SIPA1L2: variants seen among roughly 807,000 people sequenced by gnomAD.
SIPA1L2 encodes signal-induced proliferation-associated 1-like protein 2.
Under a neutral mutation model 163.9 loss-of-function variants are expected in SIPA1L2, and 56 were observed. The ratio of observed to expected loss-of-function variants is 0.34; its 90% confidence interval spans 0.28 to 0.43. SIPA1L2 has a LOEUF of 0.43. Among genes scored for constraint, SIPA1L2 ranks in the 20% least tolerant of loss-of-function variants. The pLI, the probability that SIPA1L2 is intolerant of heterozygous loss-of-function variation, is 1.00. For synonymous variants in SIPA1L2, 877 were observed against 865.7 expected (o/e 1.01, Z -0.23); for missense variants, 1,974 against 2,193.5 (o/e 0.90, Z 2.00).
chr1:232,455,598 G>A (rs10910516), intron 10 of SIPA1L2, among the ~76,000 whole-genome samples: 45,241 of 150,898 alleles, frequency 0.3, 7,389 homozygotes, highest in East Asian at 0.58. Context: ...GGAGAATGGC[G>A]TGAACCCGTG....
rs1017421035 is a variant in SIPA1L2, at chr1:232,398,004, C to G, written c.*1123G>C. On this transcript the variant is annotated 3_prime_UTR_variant, in exon 23 of 23. Transcript: ENST00000674635. The stretch of plus-strand genomic sequence containing the variant: ...TTCTTTTAAACATTTATTAAAAAAG[C>G]AAAATGTATGTTCATCTCAAATCTA... 1 of 152,516 alleles carries G rather than the reference C, an allele frequency of 6.6e-6. No individual in the cohort carries two copies. Among genetic ancestry groups the G allele is most frequent in the Non-Finnish European group, 1.5e-5 (1 of 68,020 alleles). 9.4% of individuals were successfully genotyped at this position (152,516 alleles called of 1,614,324 possible). A position where few individuals can be genotyped will look rare whatever the true frequency, so the allele number is the denominator to read the frequency against.
chr1:232,547,023 T>C (rs1433827253), intron 2 of SIPA1L2, among the ~76,000 whole-genome samples: 1 of 152,150 alleles, frequency 6.6e-6, no homozygotes, highest in African/African-American at 2.4e-5. Flanking sequence ...CCTGCCTGAC[T>C]ATGCAAAAGA....
At chr1:232,429,807 G>A (rs937578736) in intron 16 of SIPA1L2, among the ~76,000 whole-genome samples, 1 of 152,104 alleles carries the variant, frequency 6.6e-6, no homozygotes, top group Admixed American at 6.5e-5. Context: ...CCCAACATTC[G>A]ATCCTGAGGT....
chr1:232,402,321 T>C (rs1660390557), intron 22 of SIPA1L2, 71 bp downstream of exon 22: 1 of 1,368,570 alleles, frequency 7.3e-7, no homozygotes, highest in African/African-American at 1.5e-5. Flanking sequence ...CTTTTCAATT[T>C]ATCTGTAGTA....
chr1:232,428,346 TAG>T (rs1662023296), intron 17 of SIPA1L2, 63 bp downstream of exon 17: 1 of 1,311,456 alleles, frequency 7.6e-7, no homozygotes, highest in Non-Finnish European at 1.0e-6. Context: ...TGAGTTTCTT[TAG>T]ACTTTTTTTT....
chr1:232,565,789 T>C (rs1056456324), intron 2 of SIPA1L2, among the ~76,000 whole-genome samples: 1 of 152,178 alleles, frequency 6.6e-6, no homozygotes, highest in African/African-American at 2.4e-5. Flanking sequence ...TGTGTGTGCC[T>C]TAAGGTATGA....
intron 1 of SIPA1L2, among the ~76,000 whole-genome samples, chr1:232,613,834 C>T (rs1662373291): frequency 6.6e-6 from 1 of 152,158 alleles, no homozygotes; most frequent in African/African-American, 2.4e-5. Context: ...CACCCAGTAT[C>T]TGAGCAACAG....
intron 2 of SIPA1L2, among the ~76,000 whole-genome samples, chr1:232,558,121 A>C (rs1201794064): frequency 6.6e-6 from 1 of 152,216 alleles, no homozygotes; most frequent in South Asian, 2.1e-4. Context: ...AAACCTCCCC[A>C]GACAGCTTGA....
intron 2 of SIPA1L2, among the ~76,000 whole-genome samples, chr1:232,544,708 A>G (rs901905861): frequency 6.6e-6 from 1 of 152,226 alleles, no homozygotes; most frequent in African/African-American, 2.4e-5. Flanking sequence ...TGCTTGGAAC[A>G]TCCCTGCCCT....
intron 3 of SIPA1L2, among the ~76,000 whole-genome samples, chr1:232,500,212 C>G (rs888500346): frequency 9.2e-5 from 14 of 152,238 alleles, no homozygotes; most frequent in Admixed American, 7.8e-4. Context: ...CCCAAGAGCT[C>G]TGACAGAAAT....
At chr1:232,463,169 G>A (rs1664330056) in intron 9 of SIPA1L2, among the ~76,000 whole-genome samples, 2 of 152,238 alleles carry the variant, frequency 1.3e-5, no homozygotes, top group African/African-American at 4.8e-5. Context: ...AACTGCATGG[G>A]TTGCACATCC....
At chr1:232,455,975 G>A (rs1008806193) in intron 10 of SIPA1L2, among the ~76,000 whole-genome samples, 6 of 152,112 alleles carry the variant, frequency 3.9e-5, no homozygotes, top group Admixed American at 1.3e-4. Context: ...AGAAGGGTGA[G>A]GATGGAAAAA....
At chr1:232,604,215 T>C (rs948853587) in intron 1 of SIPA1L2, among the ~76,000 whole-genome samples, 1 of 152,212 alleles carries the variant, frequency 6.6e-6, no homozygotes, top group Admixed American at 6.5e-5. Flanking sequence ...TTGTTTTGAC[T>C]CACTATCACT....
chr1:232,569,225 C>A (rs1273778030), intron 2 of SIPA1L2, among the ~76,000 whole-genome samples: 7 of 152,140 alleles, frequency 4.6e-5, no homozygotes, highest in Non-Finnish European at 8.8e-5. Context: ...TGTTTACCCA[C>A]CCTGACATTC....
chr1:232,461,916 T>C (rs1018581920), intron 9 of SIPA1L2, among the ~76,000 whole-genome samples: 12 of 152,148 alleles, frequency 7.9e-5, no homozygotes, highest in African/African-American at 2.9e-4. Flanking sequence ...CCAGCCAGAC[T>C]CCTTGGCCAT....
At chr1:232,501,066 T>TTTTTTTTG (rs1666451325) in intron 3 of SIPA1L2, among the ~76,000 whole-genome samples, 1 of 131,220 alleles carries the variant, frequency 7.6e-6, no homozygotes, top group Non-Finnish European at 1.6e-5. Context: ...TTTTTTTTTT[T>TTTTTTTTG]TTTTTTTGTG....
chr1:232,564,457 A>G (rs1294297032), intron 2 of SIPA1L2, among the ~76,000 whole-genome samples: 5 of 151,984 alleles, frequency 3.3e-5, no homozygotes, highest in African/African-American at 1.2e-4. Flanking sequence ...GGAGGGGGTC[A>G]CTATCAAGCA....
intron 2 of SIPA1L2, among the ~76,000 whole-genome samples, chr1:232,560,848 T>C (rs1658993553): frequency 6.6e-6 from 1 of 152,238 alleles, no homozygotes; most frequent in Admixed American, 6.5e-5. Context: ...ATGCAAATTA[T>C]CTACTAAAGA....
At chr1:232,441,258 G>T in intron 14 of SIPA1L2, 33 bp downstream of exon 14, 1 of 1,528,474 alleles carries the variant, frequency 6.5e-7, no homozygotes, top group Non-Finnish European at 8.9e-7. Flanking sequence ...GTCCTGGCTA[G>T]GCCAGTGAAG....
Sources: allele counts gnomAD v4.1 joint callset (sites outside exome capture counted in the v4.1 genomes callset), GRCh38; gene constraint gnomAD v4.1.1; transcripts MANE v1.5; gene names NCBI Gene and HGNC (gene_info 2026-07-23, HGNC 2026-07-21).